Variants in ABCA13 observed in about 807,000 individuals in gnomAD.
ABCA13 encodes the protein ATP-binding cassette sub-family A member 13.
A neutral mutation model predicts 478.7 loss-of-function variants in ABCA13; 476 were observed. The ratio of observed to expected loss-of-function variants is 0.99; its 90% CI spans 0.92 to 1.07. ABCA13 has a LOEUF of 1.07. Among genes scored for constraint, ABCA13 ranks in the 50% least tolerant of loss-of-function variants. The pLI is 0.00. For synonymous variants in ABCA13, 2,252 were observed against 2,158.9 expected (o/e 1.04, Z -1.20); for missense variants, 6,060 against 5,910.6 (o/e 1.03, Z -0.83).
chr7:48,618,409 A>T (rs1203967941), intron 59 of ABCA13, among the ~76,000 whole-genome samples: 2 of 152,190 alleles, frequency 1.3e-5, no homozygotes, highest in African/African-American at 4.8e-5. Context: ...TCCTGGACTG[A>T]CCTCATCCTT....
intron 55 of ABCA13, among the ~76,000 whole-genome samples, chr7:48,549,550 G>A (rs780484116): frequency 7.9e-5 from 12 of 151,800 alleles, no homozygotes; most frequent in Non-Finnish European, 8.8e-5. Context: ...CTTTATAGTA[G>A]AATGATTTAT....
chr7:48,344,916 C>T (rs1807824596), intron 29 of ABCA13, among the ~76,000 whole-genome samples: 1 of 152,214 alleles, frequency 6.6e-6, no homozygotes, highest in Non-Finnish European at 1.5e-5. Flanking sequence ...GATATTGCTT[C>T]TTTCCTCCCA....
At chr7:48,426,222 G>GTGT (rs1252750780) in intron 41 of ABCA13, among the ~76,000 whole-genome samples, 1 of 152,216 alleles carries the variant, frequency 6.6e-6, no homozygotes, top group Non-Finnish European at 1.5e-5. Context: ...AATCAGCAAA[G>GTGT]TGTTATCTTT....
At chr7:48,535,131 G>A (rs185866382) in intron 55 of ABCA13, among the ~76,000 whole-genome samples, 2 of 152,204 alleles carry the variant, frequency 1.3e-5, no homozygotes, top group Admixed American at 1.3e-4. Context: ...CTCCTCATTT[G>A]GGTAGACTAT....
intron 27 of ABCA13, among the ~76,000 whole-genome samples, chr7:48,323,431 C>T (rs926729776): frequency 9.8e-5 from 15 of 152,296 alleles, no homozygotes; most frequent in South Asian, 2.1e-4. Context: ...GCCCTCTGCC[C>T]GCTGCCAGAG....
chr7:48,251,501 T>C (rs1792551696), intron 15 of ABCA13, among the ~76,000 whole-genome samples: 1 of 152,162 alleles, frequency 6.6e-6, no homozygotes, highest in Non-Finnish European at 1.5e-5. Context: ...AAGTCAAGAA[T>C]GCAAATCCAG....
chr7:48,388,095 G>A (rs1230362346), intron 36 of ABCA13, 136 bp downstream of exon 36: 3 of 945,880 alleles, frequency 3.2e-6, no homozygotes, highest in African/African-American at 3.4e-5. Flanking sequence ...GGCTGTCTTG[G>A]GCTGGGAAAC....
intron 10 of ABCA13, among the ~76,000 whole-genome samples, chr7:48,244,267 A>T (rs1791331355): frequency 6.6e-6 from 1 of 152,210 alleles, no homozygotes; most frequent in African/African-American, 2.4e-5. Context: ...GCTTCAAGGC[A>T]AATGTTTTTA....
chr7:48,546,385 A>G (rs551835112), intron 55 of ABCA13, among the ~76,000 whole-genome samples: 1 of 151,908 alleles, frequency 6.6e-6, no homozygotes, highest in Non-Finnish European at 1.5e-5. Context: ...AACAGAATCC[A>G]GTAAAATGAA....
At chr7:48,596,974 CAG>C (rs1369132515) in intron 58 of ABCA13, among the ~76,000 whole-genome samples, 1 of 149,190 alleles carries the variant, frequency 6.7e-6, no homozygotes, top group Non-Finnish European at 1.5e-5. Flanking sequence ...TTTTTTGAGA[CAG>C]AGTCTTGCTC....
At chr7:48,450,331 T>C (rs1006457646) in intron 42 of ABCA13, among the ~76,000 whole-genome samples, 2 of 152,280 alleles carry the variant, frequency 1.3e-5, no homozygotes, top group African/African-American at 4.8e-5. Context: ...TACAAAGTAA[T>C]TTATCGTTTA....
intron 55 of ABCA13, among the ~76,000 whole-genome samples, chr7:48,566,830 C>A (rs1472727381): frequency 1.3e-5 from 2 of 152,154 alleles, no homozygotes; most frequent in African/African-American, 4.8e-5. Context: ...TAAAATAGAG[C>A]ATGGGAAATC....
rs377443274 is a variant in ABCA13, at chr7:48,580,241, C to A, written c.14372C>A (p.Ser4791Tyr). The A allele has an allele frequency of 8.4e-5, 136 of 1,611,056 alleles. No individual in the cohort carries two copies. The African/African-American group carries it at 1.5e-3, about 18-fold the overall frequency. Reference sequence around the variant, plus strand: ...CTCTGCAGAGACGCCGTGGACCTGTCTTCTGCTGGCACGGCAGGCGTGCTC... The same window carrying A: ...CTCTGCAGAGACGCCGTGGACCTGTATTCTGCTGGCACGGCAGGCGTGCTC... ...RTPMGDAVDLSSAGTAGVLIG... is the reference protein window; with the variant it reads ...RTPMGDAVDLYSAGTAGVLIG... Residue 4791 changes from serine to tyrosine, a missense_variant, in exon 56 of 62, where the codon TCT (serine) becomes TAT (tyrosine). Physicochemically the swap from Ser to Tyr is moderately radical, Grantham distance 144 (BLOSUM62 -2). Coordinates refer to ENST00000435803, the MANE Select transcript of ABCA13 (RefSeq NM_152701.5).
chr7:48,351,027 C>T (rs986737568), intron 30 of ABCA13, among the ~76,000 whole-genome samples: 2 of 152,128 alleles, frequency 1.3e-5, no homozygotes, highest in Non-Finnish European at 2.9e-5. Flanking sequence ...AAAAGTTGTA[C>T]CTTATGCCAT....
intron 59 of ABCA13, among the ~76,000 whole-genome samples, chr7:48,616,043 G>T (rs1429188951): frequency 6.7e-6 from 1 of 149,580 alleles, no homozygotes; most frequent in Non-Finnish European, 1.5e-5. Flanking sequence ...CTAAATACAC[G>T]TCCAATTTTC....
intron 33 of ABCA13, 31 bp from the exon 34 acceptor site, chr7:48,374,316 G>A (rs765355859): frequency 3.3e-5 from 52 of 1,588,726 alleles, no homozygotes; most frequent in Non-Finnish European, 4.1e-5. Context: ...AAACACTAAC[G>A]TGCAGTTTTT....
intron 44 of ABCA13, among the ~76,000 whole-genome samples, chr7:48,467,974 A>G (rs7789206): frequency 0.19 from 28,966 of 152,114 alleles, 3,261 homozygotes; most frequent in African/African-American, 0.31. Flanking sequence ...TTTAACTAAA[A>G]CTTCAATGGT....
At chr7:48,450,693 C>T (rs10257368) in intron 42 of ABCA13, among the ~76,000 whole-genome samples, 45,259 of 151,778 alleles carry the variant, frequency 0.3, 6,838 homozygotes, top group East Asian at 0.38. Context: ...TTTAACCCTC[C>T]CTCATTTTTT....
intron 27 of ABCA13, among the ~76,000 whole-genome samples, chr7:48,334,630 C>T (rs539110297): frequency 2.0e-5 from 3 of 152,270 alleles, no homozygotes; most frequent in Admixed American, 6.5e-5. Context: ...CCAGCACGCC[C>T]GGCCTCTATC....
Sources: allele counts gnomAD v4.1 joint callset (sites outside exome capture counted in the v4.1 genomes callset), GRCh38; gene constraint gnomAD v4.1.1; transcripts MANE v1.5; gene names NCBI Gene and HGNC (gene_info 2026-07-23, HGNC 2026-07-21).